Variants in KLRG1 observed in about 807,000 individuals in gnomAD.
KLRG1 encodes the protein killer cell lectin-like receptor subfamily G member 1.
A neutral mutation model predicts 21.8 loss-of-function variants in KLRG1; 16 were observed. The ratio of observed to expected loss-of-function variants is 0.73; its 90% CI spans 0.50 to 1.11. KLRG1 has a LOEUF of 1.11. KLRG1 is among the 50% of genes most tolerant of loss of function. The pLI is 0.00. For synonymous variants in KLRG1, 69 were observed against 75.9 expected (o/e 0.91, Z 0.47); for missense variants, 173 against 218.3 (o/e 0.79, Z 1.31).
the KLRG1 span, chr12:9,153,131 A>T: frequency 6.2e-7 from 1 of 1,614,026 alleles, no homozygotes; most frequent in East Asian, 2.2e-5. Context: ...CTACCTGAAG[A>T]TACACACATC....
chr12:8,953,205 G>A (rs1263040517), intron 1 of KLRG1, among the ~76,000 whole-genome samples: 1 of 152,206 alleles, frequency 6.6e-6, no homozygotes, highest in Non-Finnish European at 1.5e-5. Flanking sequence ...GAATTTTATT[G>A]AGCGATGGAA....
At chr12:9,186,095 T>C in the KLRG1 span, among the ~76,000 whole-genome samples, 2 of 152,066 alleles carry the variant, frequency 1.3e-5, no homozygotes, top group Non-Finnish European at 1.5e-5. Context: ...TATGAGCCAC[T>C]GCACCTGGCC....
At chr12:9,130,312 C>T in the KLRG1 span, among the ~76,000 whole-genome samples, 1 of 152,126 alleles carries the variant, frequency 6.6e-6, no homozygotes, top group Admixed American at 6.5e-5. Context: ...GATATACACC[C>T]ATAAGTAAAA....
At chr12:9,034,881 C>T in the KLRG1 span, among the ~76,000 whole-genome samples, 8 of 152,178 alleles carry the variant, frequency 5.3e-5, no homozygotes, top group African/African-American at 1.9e-4. Flanking sequence ...CAGGAGAGGA[C>T]AGCTTCATGC....
the KLRG1 span, chr12:9,028,149 C>CTT: frequency 0.066 from 31,193 of 472,292 alleles, 193 homozygotes; most frequent in African/African-American, 0.097. Flanking sequence ...TCGTCTTCTT[C>CTT]TTTTTTTTTT....
chr12:9,129,839 C>T, the KLRG1 span, among the ~76,000 whole-genome samples: 1 of 152,192 alleles, frequency 6.6e-6, no homozygotes, highest in Non-Finnish European at 1.5e-5. Context: ...TGAGCCACCG[C>T]GCCTGGTGAA....
the KLRG1 span, among the ~76,000 whole-genome samples, chr12:9,033,266 A>G: frequency 9.3e-4 from 141 of 152,196 alleles, no homozygotes; most frequent in African/African-American, 3.3e-3. Context: ...GAAAGTCATC[A>G]TCTCTAACAA....
the KLRG1 span, among the ~76,000 whole-genome samples, chr12:9,113,042 G>A: frequency 2.0e-4 from 31 of 151,676 alleles, no homozygotes; most frequent in Admixed American, 3.9e-4. Context: ...GGCTCATGTT[G>A]AGCCTTGGTC....
the KLRG1 span, among the ~76,000 whole-genome samples, chr12:9,020,426 T>C: frequency 4.1e-4 from 62 of 152,282 alleles, no homozygotes; most frequent in African/African-American, 1.5e-3. Context: ...CAACACTCAT[T>C]ACCCCCGGAA....
chr12:9,154,539 T>G, the KLRG1 span: 82 of 1,321,358 alleles, frequency 6.2e-5, no homozygotes, highest in Non-Finnish European at 8.4e-5. Context: ...CCTTCTCTTT[T>G]CCATTAACTG....
chr12:9,056,283 G>A, the KLRG1 span, among the ~76,000 whole-genome samples: 4 of 152,088 alleles, frequency 2.6e-5, no homozygotes, highest in Admixed American at 2.6e-4. Flanking sequence ...GCTCACTGGG[G>A]AAATATATAG....
the KLRG1 span, among the ~76,000 whole-genome samples, chr12:9,150,313 C>T: frequency 8.0e-4 from 122 of 152,140 alleles, no homozygotes; most frequent in African/African-American, 2.7e-3. Flanking sequence ...GACGGAGTCT[C>T]GCACCGTCAC....
chr12:9,203,757 G>A, the KLRG1 span: 65 of 1,613,696 alleles, frequency 4.0e-5, no homozygotes, highest in Non-Finnish European at 5.1e-5. Flanking sequence ...AGCTGGCACC[G>A]TAGCACTCAC....
Position 8,960,325 on chromosome 12 carries a change from T to A in KLRG1, c.-156+10089T>A, listed in dbSNP as rs919222190. 3.9e-5 allele frequency among the ~76,000 whole-genome samples: 6 copies of A among 152,144 alleles called. No individual in the cohort carries two copies. In the East Asian group the frequency reaches 1.2e-3, roughly 29 times the overall value. On this transcript the variant is annotated intron_variant, in intron 1 of 4. Coordinates refer to the KLRG1 transcript ENST00000539240. The stretch of plus-strand genomic sequence containing the variant: ...GTCAGAGTACCAGAGAAAAGAGAGA[T>A]GCGCAAAGAGTGAGCTCTAGATAAC...
chr12:9,162,703 A>G, the KLRG1 span: 3 of 1,339,306 alleles, frequency 2.2e-6, no homozygotes, highest in African/African-American at 2.9e-5. Context: ...GTGACAAGAG[A>G]ACCACATGGA....
At chr12:8,988,599 G>A (rs888184342), upstream of KLRG1, among the ~76,000 whole-genome samples, 1 of 151,230 alleles carries the variant, frequency 6.6e-6, no homozygotes, top group African/African-American at 2.4e-5. Flanking sequence ...TTTTTTAGAC[G>A]GAGTTTCACT....
At chr12:8,958,874 C>A (rs7313904) in intron 1 of KLRG1, among the ~76,000 whole-genome samples, 2,391 of 151,550 alleles carry the variant, frequency 0.016, 56 homozygotes, top group African/African-American at 0.054. Context: ...AAAAAAAATC[C>A]TGCTGGGGTT....
the KLRG1 span, chr12:9,113,393 C>T: frequency 1.7e-5 from 27 of 1,613,466 alleles, no homozygotes; most frequent in African/African-American, 6.7e-5. Context: ...CGTCATTCTC[C>T]GCCTCCAGGT....
the KLRG1 span, chr12:9,168,783 T>C: frequency 1.8e-5 from 18 of 985,822 alleles, no homozygotes; most frequent in Non-Finnish European, 2.7e-5. Context: ...AAAGTGGAAA[T>C]AGGGCTACAT....
Sources: allele counts gnomAD v4.1 joint callset (sites outside exome capture counted in the v4.1 genomes callset), GRCh38; gene constraint gnomAD v4.1.1; transcripts MANE v1.5; gene names NCBI Gene and HGNC (gene_info 2026-07-23, HGNC 2026-07-21).